The following KCNK2 variants were observed in gnomAD, a reference collection of about 807,000 sequenced individuals.
KCNK2 encodes the protein potassium channel subfamily K member 2.
Under a neutral mutation model 40.5 loss-of-function variants are expected in KCNK2, and 21 were observed. The ratio of observed to expected loss-of-function variants is 0.52; its 90% CI spans 0.37 to 0.75. The LOEUF (loss-of-function observed/expected upper bound fraction) is 0.75, where lower values mean the gene tolerates loss of function less well. Among genes scored for constraint, KCNK2 ranks in the 30% least tolerant of loss-of-function variants. The probability of loss-of-function intolerance (pLI) is 0.00; values close to 1 mark genes in which losing one functional copy is unlikely to be tolerated. For synonymous variants in KCNK2, 191 were observed against 202.2 expected (o/e 0.94, Z 0.47); for missense variants, 399 against 531.6 (o/e 0.75, Z 2.45).
intron 1 of KCNK2, among the ~76,000 whole-genome samples, chr1:215,046,342 G>A (rs1296070951): frequency 1.3e-5 from 2 of 152,118 alleles, no homozygotes; most frequent in South Asian, 4.1e-4. Context: ...ATATATTCAT[G>A]AATTTTGGTT....
chr1:215,208,019 G>A (rs1201785928), intron 6 of KCNK2, among the ~76,000 whole-genome samples: 1 of 152,102 alleles, frequency 6.6e-6, no homozygotes, highest in African/African-American at 2.4e-5. Flanking sequence ...TCCCATTACT[G>A]GGTATATACC....
At chr1:215,159,187 G>C (rs2102622033) in intron 3 of KCNK2, among the ~76,000 whole-genome samples, 1 of 152,278 alleles carries the variant, frequency 6.6e-6, no homozygotes, top group South Asian at 2.1e-4. Context: ...GCAGATAAGA[G>C]ACAAATGAGT....
intron 2 of KCNK2, among the ~76,000 whole-genome samples, chr1:215,111,583 C>T (rs1004174685): frequency 6.6e-6 from 1 of 152,068 alleles, no homozygotes; most frequent in Admixed American, 6.6e-5. Flanking sequence ...TATTCTTCAG[C>T]TCCAAAATTT....
Position 215,007,163 on chromosome 1 carries a change from A to G in KCNK2, c.34+1208A>G, listed in dbSNP as rs550648199. 6.4e-3 allele frequency among the ~76,000 whole-genome samples: 680 copies of G among 107,002 alleles called. 19 individuals are homozygous for G. Among genetic ancestry groups the G allele is most frequent in the African/African-American group, 0.026 (580 of 22,662 alleles). 70.2% of individuals were successfully genotyped at this position (107,002 alleles called of 152,430 possible). A position where few individuals can be genotyped will look rare whatever the true frequency, so the allele number is the denominator to read the frequency against. On this transcript the variant is annotated intron_variant, in intron 1 of 6. Coordinates refer to the KCNK2 transcript ENST00000391895. ...TATATGTGTATATATATATGTATGTATATATATATGTATGTGTGTGGGTAT... is the reference window on the plus strand; with the variant it reads ...TATATGTGTATATATATATGTATGTGTATATATATGTATGTGTGTGGGTAT...
rs1553255768 is a variant in KCNK2 at position 215,021,573 on chromosome 1, T to TTTTG, written c.34+15618_34+15619insTTTG. Reference sequence around the variant, plus strand: ...TTTTTTTTTTTTTTTTGAGACGGAATCTCGCTCTGTCGCCCAGGCTGGAGT... The same window carrying TTTTG: ...TTTTTTTTTTTTTTTTGAGACGGAATTTTGCTCGCTCTGTCGCCCAGGCTGGAGT... On this transcript the variant is annotated intron_variant, in intron 1 of 6. Transcript: ENST00000391895. Among the ~76,000 whole-genome samples, 163 of 123,676 alleles carry TTTTG rather than the reference T, an allele frequency of 1.3e-3. 10 individuals are homozygous for TTTTG. Among genetic ancestry groups the TTTTG allele is most frequent in the African/African-American group, 5.1e-3 (148 of 28,740 alleles). 81.1% of individuals were successfully genotyped at this position (123,676 alleles called of 152,430 possible).
At chr1:215,196,499 T>C (rs1347547381) in intron 6 of KCNK2, among the ~76,000 whole-genome samples, 1 of 152,236 alleles carries the variant, frequency 6.6e-6, no homozygotes, top group African/African-American at 2.4e-5. Context: ...AATTTACTTA[T>C]TCAGTCTGTA....
intron 3 of KCNK2, among the ~76,000 whole-genome samples, chr1:215,151,229 G>C (rs1411423311): frequency 6.6e-6 from 1 of 151,942 alleles, no homozygotes; most frequent in Admixed American, 6.6e-5. Context: ...ATGCTGTTTT[G>C]TTGTTATTAT....
intron 1 of KCNK2, among the ~76,000 whole-genome samples, chr1:215,007,621 C>A: frequency 6.6e-6 from 1 of 152,036 alleles, no homozygotes; most frequent in East Asian, 1.9e-4. Flanking sequence ...CTAAACTGAA[C>A]ACATGTCCTT....
Position 215,171,954 on chromosome 1 carries a change from A to G in KCNK2, c.637-43A>G, listed in dbSNP as rs748039307. ...TCTCTCTCTCTCTCCCCCCATTTAT[A>G]TACATATATATATATACACACACCT... On this transcript the variant is annotated intron_variant, in intron 4 of 6. Transcript: ENST00000444842. The G allele has an allele frequency of 9.0e-6, 12 of 1,326,228 alleles. No homozygotes were observed. In the African/African-American group the frequency reaches 1.2e-4, roughly 13 times the overall value. 82.2% of individuals were successfully genotyped at this position (1,326,228 alleles called of 1,614,324 possible).
intron 3 of KCNK2, among the ~76,000 whole-genome samples, 159 bp from the exon 4 acceptor site, chr1:215,169,040 A>C (rs375102092): frequency 6.6e-6 from 1 of 152,276 alleles, no homozygotes; most frequent in African/African-American, 2.4e-5. Flanking sequence ...AATATCTTAT[A>C]TTAGAACATA....
Position 215,234,903 on chromosome 1 carries a change from C to A in KCNK2, c.1039C>A (p.Leu347Met), listed in dbSNP as rs1666814866. Residue 347 changes from leucine (L) to methionine (M), a missense_variant, in exon 7 of 7, where the codon CTG becomes ATG. Physicochemically the swap from Leu to Met is conservative, Grantham distance 15. This residue lies in a region of KCNK2 where 103 missense variants were observed against 124.3 expected (regional missense o/e 0.83). Coordinates refer to ENST00000444842, the MANE Select transcript of KCNK2 (RefSeq NM_001017425.3). ...TAEFKETRRRLSVEIYDKFQR... is the reference protein window; with the variant it reads ...TAEFKETRRRMSVEIYDKFQR... ...CGAATTCAAAGAAACCAGGAGGCGACTGAGTGTGGAGATTTATGACAAGTT... is the reference window on the plus strand; with the variant it reads ...CGAATTCAAAGAAACCAGGAGGCGAATGAGTGTGGAGATTTATGACAAGTT... 1 of 1,614,060 alleles carries A rather than the reference C, an allele frequency of 6.2e-7. No homozygotes were observed. The highest frequency in any genetic ancestry group is 8.5e-7 in the Non-Finnish European group (1 of 1,180,000).
rs928331350 is a variant in KCNK2, at chr1:215,052,047, G to A, written c.35-34321G>A. Among the ~76,000 whole-genome samples, 5 of 152,278 alleles carry A rather than the reference G, an allele frequency of 3.3e-5. No homozygotes were observed. In the East Asian group the frequency reaches 9.6e-4, roughly 29 times the overall value. Reference sequence around the variant, plus strand: ...GCCAGGTGGCTGCTCTAGCCCATGGGTGATATTGCAGTGAATAATATGGAT... The same window carrying A: ...GCCAGGTGGCTGCTCTAGCCCATGGATGATATTGCAGTGAATAATATGGAT... On this transcript the variant is annotated intron_variant, in intron 1 of 6. Transcript: ENST00000391895.
At chr1:215,230,505 C>CG (rs1666595389) in intron 6 of KCNK2, among the ~76,000 whole-genome samples, 3 of 65,594 alleles carry the variant, frequency 4.6e-5, no homozygotes, top group Non-Finnish European at 8.5e-5. Flanking sequence ...ACACACACGG[C>CG]TGTATATATA....
At chr1:215,180,383 G>A (rs1664175702) in intron 5 of KCNK2, among the ~76,000 whole-genome samples, 1 of 152,008 alleles carries the variant, frequency 6.6e-6, no homozygotes, top group Admixed American at 6.6e-5. Flanking sequence ...GATATGTTAG[G>A]TTTTGATCCG....
chr1:215,132,514 A>C (rs559137183), intron 3 of KCNK2, among the ~76,000 whole-genome samples: 4 of 152,204 alleles, frequency 2.6e-5, no homozygotes, highest in Non-Finnish European at 5.9e-5. Flanking sequence ...TTCCTACTCT[A>C]CAATCTCATT....
At chr1:215,209,967 TATA>T (rs1665635496) in intron 6 of KCNK2, among the ~76,000 whole-genome samples, 1 of 59,906 alleles carries the variant, frequency 1.7e-5, no homozygotes, top group East Asian at 5.5e-4. Context: ...ATATTTTATA[TATA>T]TTATATATAT....
chr1:215,194,219 G>T (rs1664777002), intron 5 of KCNK2, among the ~76,000 whole-genome samples: 1 of 151,998 alleles, frequency 6.6e-6, no homozygotes, highest in Non-Finnish European at 1.5e-5. Context: ...ATTCTTATAG[G>T]TACAGTTATT....
Position 215,156,081 on chromosome 1 carries a change from GTA to G in KCNK2, c.476-13105_476-13104del, listed in dbSNP as rs928084573. ...GTAGTCTGTGTGTGTGTGTGTGTGT[GTA>G]TATATATATATAATGTAATCAATCA... is the stretch of plus-strand genomic sequence containing the variant. On this transcript the variant is annotated intron_variant, in intron 3 of 6. Coordinates refer to ENST00000444842, the MANE Select transcript of KCNK2 (RefSeq NM_001017425.3). Among the ~76,000 whole-genome samples the G allele has an allele frequency of 8.4e-4, 127 of 150,936 alleles. No individual in the cohort carries two copies. In the Middle Eastern group the frequency reaches 0.01, roughly 12 times the overall value.
At chr1:215,058,973 T>G (rs1283482243) in intron 1 of KCNK2, among the ~76,000 whole-genome samples, 16 of 152,240 alleles carry the variant, frequency 1.1e-4, no homozygotes, top group Non-Finnish European at 1.6e-4. Context: ...ACTATTTTGT[T>G]TCTTTACATG....
Sources: gnomAD v4.1 joint callset for allele counts (sites outside exome capture counted in the v4.1 genomes callset) on GRCh38, gnomAD v4.1.1 for gene constraint, gnomAD v4.1.1 regional missense constraint, MANE v1.5 for transcripts, NCBI Gene and HGNC (gene_info 2026-07-23, HGNC 2026-07-21) for gene names.